PIK3C2G: variants seen among roughly 807,000 people sequenced by gnomAD.
PIK3C2G encodes phosphatidylinositol 3-kinase C2 domain-containing subunit gamma.
PIK3C2G carries 168 observed loss-of-function variants against 181.1 expected under a neutral mutation model. The observed-to-expected ratio is 0.93, with a 90% CI of 0.82 to 1.05. The LOEUF is 1.05. Ranked by LOEUF, PIK3C2G falls within the 50% of genes least tolerant of loss-of-function variation. The pLI is 0.00. For synonymous variants in PIK3C2G, 573 were observed against 592.2 expected, an observed-to-expected ratio of 0.97 and a Z score of 0.47; for missense variants, 1,869 against 1,732.8, an observed-to-expected ratio of 1.08 and a Z score of -1.40.
rs532800817 is a variant in PIK3C2G at position 18,503,225 on chromosome 12, G to T, written c.3017-56G>T. The T allele has an allele frequency of 2.3e-5, 31 of 1,332,314 alleles. No homozygotes were observed. In the South Asian group the frequency reaches 4.1e-4, roughly 18 times the overall value. 82.5% of individuals were successfully genotyped at this position (1,332,314 alleles called of 1,614,324 possible). A position where few individuals can be genotyped will look rare whatever the true frequency, so the allele number is the denominator to read the frequency against. ...AGCTATTGTTGTTATATTTCCTAAGGCTCCCTCATCTTGTGATGAAGGAAT... is the reference window on the plus strand; with the variant it reads ...AGCTATTGTTGTTATATTTCCTAAGTCTCCCTCATCTTGTGATGAAGGAAT... On this transcript the variant is annotated intron_variant, in intron 22 of 32. Transcript: ENST00000538779.
intron 29 of PIK3C2G, among the ~76,000 whole-genome samples, chr12:18,580,805 T>A (rs1027517753): frequency 1.3e-4 from 20 of 152,232 alleles, no homozygotes; most frequent in African/African-American, 4.8e-4. Flanking sequence ...AAAACTCTTA[T>A]GGAAATTCGT....
chr12:18,592,563 G>A (rs2136481492), intron 29 of PIK3C2G, among the ~76,000 whole-genome samples: 1 of 152,000 alleles, frequency 6.6e-6, no homozygotes, highest in Middle Eastern at 3.4e-3. Flanking sequence ...ATCATAAAGT[G>A]AGTAGAAATT....
chr12:18,677,899 G>C, the PIK3C2G span, among the ~76,000 whole-genome samples: 1 of 152,038 alleles, frequency 6.6e-6, no homozygotes, highest in Non-Finnish European at 1.5e-5. Flanking sequence ...GTGTGAGCAT[G>C]TGTATCCATA....
intron 12 of PIK3C2G, among the ~76,000 whole-genome samples, chr12:18,363,717 T>C (rs1334207832): frequency 1.3e-5 from 2 of 152,192 alleles, no homozygotes; most frequent in Non-Finnish European, 2.9e-5. Context: ...CCCGGTATGA[T>C]GCTTTTCCAT....
chr12:18,403,400 T>C (rs2138153026), intron 16 of PIK3C2G, among the ~76,000 whole-genome samples: 1 of 152,322 alleles, frequency 6.6e-6, no homozygotes, highest in East Asian at 1.9e-4. Context: ...TTTACTGAAC[T>C]ATTAAAAAAC....
chr12:18,689,363 G>C, the PIK3C2G span, among the ~76,000 whole-genome samples: 76 of 152,238 alleles, frequency 5.0e-4, no homozygotes, highest in African/African-American at 1.8e-3. Flanking sequence ...CAACCTGCGG[G>C]CCACATGTGG....
rs1555153497 is a variant in PIK3C2G, at chr12:18,303,100, C to CTT, written c.1034+9086_1034+9087insTT. On this transcript the variant is annotated intron_variant, in intron 5 of 32. Transcript: ENST00000538779. Reference sequence around the variant, plus strand: ...TAAGTAATTTCTTTTTCTTTTCTTTCTCTTTCTTTCTTTCCTTCTTTCTTT... The same window carrying CTT: ...TAAGTAATTTCTTTTTCTTTTCTTTCTTTCTTTCTTTCTTTCCTTCTTTCTTT... Among the ~76,000 whole-genome samples the CTT allele has an allele frequency of 4.6e-3, 343 of 75,020 alleles. 2 individuals are homozygous for CTT. The highest frequency in any genetic ancestry group is 0.014 in the African/African-American group (242 of 17,588). 49.2% of individuals were successfully genotyped at this position (75,020 alleles called of 152,430 possible).
At chr12:18,397,301 A>G (rs1943955382) in intron 15 of PIK3C2G, among the ~76,000 whole-genome samples, 1 of 152,018 alleles carries the variant, frequency 6.6e-6, no homozygotes, top group South Asian at 2.1e-4. Flanking sequence ...AAAGTTTCTG[A>G]ATTGGACATT....
intron 18 of PIK3C2G, among the ~76,000 whole-genome samples, chr12:18,449,987 G>A (rs1947260122): frequency 6.6e-6 from 1 of 152,224 alleles, no homozygotes. Context: ...TGACTGGCAT[G>A]AGATGGTTTC....
At chr12:18,499,104 A>G (rs1941230542) in intron 22 of PIK3C2G, among the ~76,000 whole-genome samples, 1 of 152,250 alleles carries the variant, frequency 6.6e-6, no homozygotes, top group Non-Finnish European at 1.5e-5. Flanking sequence ...AATGTAACCA[A>G]GGCTGAATCT....
chr12:18,274,753 T>C (rs989711802), intron 1 of PIK3C2G, among the ~76,000 whole-genome samples: 1 of 152,142 alleles, frequency 6.6e-6, no homozygotes, highest in Non-Finnish European at 1.5e-5. Context: ...TGTATCCATA[T>C]GTAACAAACC....
intron 29 of PIK3C2G, among the ~76,000 whole-genome samples, chr12:18,569,083 A>C (rs1945790209): frequency 6.6e-6 from 1 of 152,004 alleles, no homozygotes; most frequent in South Asian, 2.1e-4. Flanking sequence ...GGCTTCTGTC[A>C]TTTGCTCATC....
the PIK3C2G span, among the ~76,000 whole-genome samples, chr12:18,686,167 A>C: frequency 1.3e-5 from 2 of 151,760 alleles, no homozygotes; most frequent in Admixed American, 6.6e-5. Flanking sequence ...CCTTTATACC[A>C]TGACTTTTAT....
chr12:18,398,409 T>A (rs1417200135), intron 15 of PIK3C2G, among the ~76,000 whole-genome samples: 1 of 152,208 alleles, frequency 6.6e-6, no homozygotes, highest in African/African-American at 2.4e-5. Context: ...ACCTTCAAAA[T>A]CACCTATAAT....
intron 18 of PIK3C2G, among the ~76,000 whole-genome samples, chr12:18,456,387 T>A (rs1049687370): frequency 6.6e-6 from 1 of 151,896 alleles, no homozygotes; most frequent in Non-Finnish European, 1.5e-5. Flanking sequence ...AGAAAAGCTC[T>A]CTCTCCTGCA....
At chr12:18,645,839 A>T (rs1950100449) in intron 32 of PIK3C2G, among the ~76,000 whole-genome samples, 1 of 152,196 alleles carries the variant, frequency 6.6e-6, no homozygotes, top group African/African-American at 2.4e-5. Context: ...TTTATGACTT[A>T]TTCATGCAAT....
chr12:18,486,225 G>T (rs1409928807), intron 18 of PIK3C2G, among the ~76,000 whole-genome samples: 2 of 152,112 alleles, frequency 1.3e-5, no homozygotes, highest in African/African-American at 4.8e-5. Context: ...TGTAATCTTG[G>T]CAGGGATGCA....
At chr12:18,688,167 C>T in the PIK3C2G span, 2 of 1,611,090 alleles carry the variant, frequency 1.2e-6, no homozygotes, top group Non-Finnish European at 1.7e-6. Flanking sequence ...ACTAATGAAT[C>T]ACCTTTGTTA....
intron 16 of PIK3C2G, among the ~76,000 whole-genome samples, chr12:18,400,687 C>G (rs1944199480): frequency 6.6e-6 from 1 of 151,998 alleles, no homozygotes; most frequent in Non-Finnish European, 1.5e-5. Context: ...CTTCAGAAAA[C>G]TTCTGGGGTG....
Sources: allele counts gnomAD v4.1 joint callset (sites outside exome capture counted in the v4.1 genomes callset), GRCh38; gene constraint gnomAD v4.1.1; transcripts MANE v1.5; gene names NCBI Gene and HGNC (gene_info 2026-07-23, HGNC 2026-07-21).